The following PDE4B variants were observed in gnomAD, a reference collection of about 807,000 sequenced individuals.
The protein encoded by PDE4B is phosphodiesterase 4B.
PDE4B carries 20 observed loss-of-function variants against 82.2 expected under a neutral mutation model. The observed-to-expected ratio is 0.24, with a 90% CI of 0.17 to 0.35. The LOEUF is 0.35. PDE4B is among the 10% of genes least tolerant of loss of function. The probability of loss-of-function intolerance (pLI) is 1.00; values close to 1 mark genes in which losing one functional copy is unlikely to be tolerated. For synonymous variants in PDE4B, 320 were observed against 318.9 expected, an observed-to-expected ratio of 1.00 and a Z score of -0.04; for missense variants, 655 against 907.2, an observed-to-expected ratio of 0.72 and a Z score of 3.57.
chr1:65,840,873 T>A (rs751588691), intron 1 of PDE4B, among the ~76,000 whole-genome samples: 5 of 152,250 alleles, frequency 3.3e-5, no homozygotes, highest in Non-Finnish European at 7.3e-5. Context: ...ACTGAACAAC[T>A]GAAATTTCGG....
chr1:66,328,858 G>A (rs1570701494), intron 7 of PDE4B, among the ~76,000 whole-genome samples: 1 of 152,344 alleles, frequency 6.6e-6, no homozygotes, highest in East Asian at 1.9e-4. Context: ...GGCTGTGGTA[G>A]ACAGAGGCCA....
At chr1:65,929,974 T>C (rs532485686) in intron 3 of PDE4B, among the ~76,000 whole-genome samples, 1 of 152,154 alleles carries the variant, frequency 6.6e-6, no homozygotes, top group East Asian at 1.9e-4. Flanking sequence ...CCATTCTTGG[T>C]ACCAAAATCT....
chr1:66,293,780 T>C (rs1197312678), intron 7 of PDE4B, among the ~76,000 whole-genome samples: 1 of 152,156 alleles, frequency 6.6e-6, no homozygotes, highest in Non-Finnish European at 1.5e-5. Context: ...ACAAAAAGCA[T>C]AGAATCTCAA....
intron 1 of PDE4B, among the ~76,000 whole-genome samples, chr1:65,889,663 G>C (rs1472573558): frequency 6.6e-6 from 1 of 152,144 alleles, no homozygotes; most frequent in African/African-American, 2.4e-5. Flanking sequence ...ATCTGTCTGA[G>C]AGTTGGTCAT....
At chr1:66,229,593 C>T (rs1211687438) in intron 3 of PDE4B, among the ~76,000 whole-genome samples, 1 of 152,232 alleles carries the variant, frequency 6.6e-6, no homozygotes. Flanking sequence ...CACACCTCAG[C>T]ACATGAGAAC....
At chr1:66,353,598 G>A (rs1181308027) in intron 8 of PDE4B, among the ~76,000 whole-genome samples, 1 of 152,118 alleles carries the variant, frequency 6.6e-6, no homozygotes, top group African/African-American at 2.4e-5. Flanking sequence ...GTAACAGAGG[G>A]GAAAGATGAG....
intron 3 of PDE4B, among the ~76,000 whole-genome samples, chr1:66,063,245 A>G (rs1443825694): frequency 1.3e-5 from 2 of 152,024 alleles, no homozygotes; most frequent in African/African-American, 4.8e-5. Context: ...GGAATGACAA[A>G]AGGTTAGAGC....
At chr1:66,054,529 A>T (rs1557527813) in intron 3 of PDE4B, among the ~76,000 whole-genome samples, 1 of 152,172 alleles carries the variant, frequency 6.6e-6, no homozygotes, top group Non-Finnish European at 1.5e-5. Flanking sequence ...AGGAGAGTAG[A>T]TCTCATGCTT....
intron 1 of PDE4B, among the ~76,000 whole-genome samples, chr1:65,840,852 T>C (rs562929662): frequency 6.6e-6 from 1 of 152,368 alleles, no homozygotes; most frequent in East Asian, 1.9e-4. Flanking sequence ...GAATCAAATG[T>C]TTGTTGTTAG....
chr1:66,013,250 T>C (rs146856132), intron 3 of PDE4B, among the ~76,000 whole-genome samples: 130 of 152,270 alleles, frequency 8.5e-4, no homozygotes, highest in Non-Finnish European at 4.1e-4. Flanking sequence ...AAATGATAAC[T>C]GATTTTGCCA....
intron 3 of PDE4B, among the ~76,000 whole-genome samples, chr1:66,112,171 T>A (rs1645502131): frequency 6.6e-6 from 1 of 152,154 alleles, no homozygotes; most frequent in South Asian, 2.1e-4. Flanking sequence ...CTTATGACCT[T>A]ACATTAATTT....
intron 3 of PDE4B, among the ~76,000 whole-genome samples, chr1:66,000,363 C>A (rs1397548232): frequency 6.6e-6 from 1 of 152,200 alleles, no homozygotes; most frequent in Non-Finnish European, 1.5e-5. Context: ...CTAGCAGCAG[C>A]TACAGCAATT....
At chr1:66,255,147 C>T (rs898798234) in intron 4 of PDE4B, among the ~76,000 whole-genome samples, 14 of 151,434 alleles carry the variant, frequency 9.2e-5, no homozygotes, top group African/African-American at 2.4e-4. Flanking sequence ...TGCAATAGTG[C>T]GATCATGGCT....
chr1:65,906,825 G>A (rs1647032724), intron 1 of PDE4B, among the ~76,000 whole-genome samples: 1 of 152,104 alleles, frequency 6.6e-6, no homozygotes, highest in African/African-American at 2.4e-5. Flanking sequence ...CAGGAGACAT[G>A]TTTTACTCAA....
chr1:66,320,866 G>A (rs1159216558), intron 7 of PDE4B, among the ~76,000 whole-genome samples: 1 of 152,166 alleles, frequency 6.6e-6, no homozygotes, highest in East Asian at 1.9e-4. Flanking sequence ...CTTTGTAGAG[G>A]AGATGACACT....
At chr1:66,336,832 C>G (rs1660558989) in intron 8 of PDE4B, among the ~76,000 whole-genome samples, 1 of 152,152 alleles carries the variant, frequency 6.6e-6, no homozygotes, top group South Asian at 2.1e-4. Flanking sequence ...CAGGTGCAGC[C>G]ATACTACAGT....
At chr1:66,002,310 T>C (rs1299053938) in intron 3 of PDE4B, among the ~76,000 whole-genome samples, 1 of 150,838 alleles carries the variant, frequency 6.6e-6, no homozygotes, top group Non-Finnish European at 1.5e-5. Context: ...TTTATATAAG[T>C]CATGTATCAA....
At chr1:66,195,533 A>G (rs1054959720) in intron 3 of PDE4B, among the ~76,000 whole-genome samples, 14 of 152,168 alleles carry the variant, frequency 9.2e-5, no homozygotes, top group African/African-American at 3.4e-4. Flanking sequence ...TTTGGTTTAC[A>G]AATACTTAGT....
At chr1:66,040,742 A>G (rs935776722) in intron 3 of PDE4B, among the ~76,000 whole-genome samples, 2 of 151,988 alleles carry the variant, frequency 1.3e-5, no homozygotes. Flanking sequence ...TTTTTGATCA[A>G]GGAGAGTAAA....
Sources: gnomAD v4.1 joint callset for allele counts (sites outside exome capture counted in the v4.1 genomes callset) on GRCh38, gnomAD v4.1.1 for gene constraint, MANE v1.5 for transcripts, NCBI Gene and HGNC (gene_info 2026-07-23, HGNC 2026-07-21) for gene names.